The following PPP2R2B variants were observed in gnomAD, a reference collection of about 807,000 sequenced individuals.
The protein encoded by PPP2R2B is protein phosphatase 2 regulatory subunit Bbeta, also known as serine/threonine-protein phosphatase 2A 55 kDa regulatory subunit B beta isoform.
A neutral mutation model predicts 46.0 loss-of-function variants in PPP2R2B; 5 were observed. The ratio of observed to expected loss-of-function variants is 0.11; its 90% CI spans 0.06 to 0.23. The LOEUF is 0.23. PPP2R2B is among the 10% of genes least tolerant of loss of function. PPP2R2B has a pLI of 1.00. For synonymous variants in PPP2R2B, 215 were observed against 206.7 expected (o/e 1.04, Z -0.34); for missense variants, 367 against 575.0 (o/e 0.64, Z 3.70).
At chr5:146,848,622 C>T (rs1403935861) in intron 2 of PPP2R2B, among the ~76,000 whole-genome samples, 1 of 152,106 alleles carries the variant, frequency 6.6e-6, no homozygotes, top group Non-Finnish European at 1.5e-5. Flanking sequence ...CCTATATCAA[C>T]ATGCCTTATT....
chr5:146,889,318 C>T (rs1336679082), intron 1 of PPP2R2B, among the ~76,000 whole-genome samples: 1 of 152,040 alleles, frequency 6.6e-6, no homozygotes, highest in African/African-American at 2.4e-5. Flanking sequence ...TCCAGTGGAA[C>T]TTAGGGTGGG....
rs181096747 is a variant in PPP2R2B at position 147,012,830 on chromosome 5, G to A, written c.79+42835C>T. On this transcript the variant is annotated intron_variant, in intron 1 of 8. Coordinates refer to the PPP2R2B transcript ENST00000336640. Reference sequence around the variant, plus strand: ...ACATCTTTATTTCTGCCTTCATTTCGTTATGTACCCAGTAGTCATTCAGGA... The same window carrying A: ...ACATCTTTATTTCTGCCTTCATTTCATTATGTACCCAGTAGTCATTCAGGA... Among the ~76,000 whole-genome samples the A allele has an allele frequency of 0.011, 1,717 of 151,832 alleles. 100 individuals are homozygous for A. The East Asian group carries it at 0.18, about 16-fold the overall frequency.
chr5:146,849,845 T>A (rs1760232911), intron 2 of PPP2R2B, among the ~76,000 whole-genome samples: 2 of 152,308 alleles, frequency 1.3e-5, no homozygotes, highest in African/African-American at 4.8e-5. Context: ...CTACCCTGTA[T>A]AATATCTTAA....
chr5:146,673,719 T>C (rs963703569), intron 5 of PPP2R2B, among the ~76,000 whole-genome samples: 1 of 152,200 alleles, frequency 6.6e-6, no homozygotes, highest in Non-Finnish European at 1.5e-5. Context: ...TAACTGCAGC[T>C]TCTTCCCTAG....
upstream of PPP2R2B, among the ~76,000 whole-genome samples, chr5:146,883,617 CAT>C (rs1762236123): frequency 6.6e-6 from 1 of 152,176 alleles, no homozygotes; most frequent in African/African-American, 2.4e-5. Context: ...ATTGTGGAAT[CAT>C]ATGGAATTTC....
intron 1 of PPP2R2B, among the ~76,000 whole-genome samples, chr5:146,985,446 T>C (rs1753384299): frequency 6.6e-6 from 1 of 152,216 alleles, no homozygotes; most frequent in Admixed American, 6.5e-5. Context: ...TTGTTATCTG[T>C]GTTTTTGGGG....
rs1005491303 is a variant in PPP2R2B, at chr5:147,053,526, C to T, written c.79+2139G>A. Among the ~76,000 whole-genome samples, 6 of 144,086 alleles carry T rather than the reference C, an allele frequency of 4.2e-5. No homozygotes were observed. The South Asian group carries it at 6.8e-4, about 16-fold the overall frequency. 94.5% of individuals were successfully genotyped at this position (144,086 alleles called of 152,430 possible). On this transcript the variant is annotated intron_variant, in intron 1 of 8. Transcript: ENST00000336640. Reference sequence around the variant, plus strand: ...TTTTCTAGCACAGACTACAGGGTGACACGATTGCCAACAATATAAACACAC... The same window carrying T: ...TTTTCTAGCACAGACTACAGGGTGATACGATTGCCAACAATATAAACACAC...
chr5:146,937,807 T>A (rs1053342165), intron 1 of PPP2R2B, among the ~76,000 whole-genome samples: 36 of 152,216 alleles, frequency 2.4e-4, no homozygotes, highest in Admixed American at 3.9e-4. Context: ...TCTGTTTGGC[T>A]TCTGTATGTA....
intron 2 of PPP2R2B, among the ~76,000 whole-genome samples, chr5:147,063,953 GC>G (rs1757344536): frequency 6.6e-6 from 1 of 152,186 alleles, no homozygotes; most frequent in South Asian, 2.1e-4. Context: ...ATTCTGAGAG[GC>G]CATAATAGTA....
intron 1 of PPP2R2B, among the ~76,000 whole-genome samples, chr5:147,039,201 G>A (rs1052614923): frequency 2.0e-5 from 3 of 151,972 alleles, no homozygotes; most frequent in African/African-American, 7.2e-5. Context: ...CCCAATTCCT[G>A]GTAGCCCATC....
At chr5:146,651,923 C>T (rs1775985641) in intron 5 of PPP2R2B, among the ~76,000 whole-genome samples, 1 of 152,184 alleles carries the variant, frequency 6.6e-6, no homozygotes, top group African/African-American at 2.4e-5. Context: ...GACTTTAACT[C>T]ACCTATGCGG....
intron 2 of PPP2R2B, among the ~76,000 whole-genome samples, chr5:146,824,377 A>C (rs961908681): frequency 6.6e-6 from 1 of 152,144 alleles, no homozygotes; most frequent in Admixed American, 6.5e-5. Context: ...TCAGGCCAAT[A>C]AGGGCAGATA....
intron 2 of PPP2R2B, among the ~76,000 whole-genome samples, chr5:146,708,816 T>C (rs540912370): frequency 1.3e-5 from 2 of 152,280 alleles, no homozygotes; most frequent in South Asian, 4.2e-4. Context: ...AATTCATCAA[T>C]ACACTTTTGC....
chr5:146,701,352 C>T, intron 2 of PPP2R2B: 1 of 696,106 alleles, frequency 1.4e-6, no homozygotes. Flanking sequence ...CAGTGGTCTC[C>T]TGGAACATCT....
intron 1 of PPP2R2B, among the ~76,000 whole-genome samples, chr5:146,920,084 A>G (rs181383104): frequency 6.6e-6 from 1 of 152,332 alleles, no homozygotes; most frequent in East Asian, 1.9e-4. Flanking sequence ...ACTGCATAAT[A>G]TGTGGCACAT....
intron 2 of PPP2R2B, among the ~76,000 whole-genome samples, chr5:146,814,600 T>G (rs1305488879): frequency 6.6e-6 from 1 of 152,216 alleles, no homozygotes; most frequent in Non-Finnish European, 1.5e-5. Flanking sequence ...GGCTCAAGCA[T>G]GCGCACTAAG....
rs1429570525 is a variant in PPP2R2B, at chr5:146,932,827, C to G, written c.79+122838G>C. Among the ~76,000 whole-genome samples, 21 of 152,186 alleles carry G rather than the reference C, an allele frequency of 1.4e-4. No individual in the cohort carries two copies. The East Asian group carries it at 3.9e-3, about 28-fold the overall frequency. On this transcript the variant is annotated intron_variant, in intron 1 of 8. Transcript: ENST00000336640. ...TCAAAGAGCAGTGAGAAAAGGAAAA[C>G]TAACCACCTAGTATATGCAGAGAGA...
chr5:146,873,839 G>T (rs975667597), intron 2 of PPP2R2B, among the ~76,000 whole-genome samples: 1 of 152,038 alleles, frequency 6.6e-6, no homozygotes, highest in African/African-American at 2.4e-5. Context: ...CTCTCTCTTA[G>T]CATTAATCTT....
chr5:146,609,508 A>G (rs1266645238), intron 7 of PPP2R2B, among the ~76,000 whole-genome samples: 1 of 152,220 alleles, frequency 6.6e-6, no homozygotes, highest in Non-Finnish European at 1.5e-5. Flanking sequence ...GCCGAATAGG[A>G]ACAGCTCCGG....
Sources: gnomAD v4.1 joint callset for allele counts (sites outside exome capture counted in the v4.1 genomes callset) on GRCh38, gnomAD v4.1.1 for gene constraint, MANE v1.5 for transcripts, NCBI Gene and HGNC (gene_info 2026-07-23, HGNC 2026-07-21) for gene names.